Variants in ZNF704 observed in about 807,000 individuals in gnomAD.
The protein encoded by ZNF704 is zinc finger protein 704, also known as glucocorticoid induced gene 1.
Under a neutral mutation model 44.7 loss-of-function variants are expected in ZNF704, and 10 were observed. That is an observed-to-expected ratio of 0.22 (90% CI 0.14 to 0.38). The LOEUF (loss-of-function observed/expected upper bound fraction) is 0.38. ZNF704 is among the 10% of genes least tolerant of loss of function. The probability of loss-of-function intolerance (pLI) is 1.00; values close to 1 mark genes in which losing one functional copy is unlikely to be tolerated. For missense variants in ZNF704, 390 were observed against 545.5 expected (o/e 0.71, Z 2.84); for synonymous variants, 211 against 207.6 (o/e 1.02, Z -0.14).
intron 2 of ZNF704, among the ~76,000 whole-genome samples, chr8:80,759,871 T>G (rs760248555): frequency 2.6e-5 from 4 of 152,148 alleles, no homozygotes; most frequent in Non-Finnish European, 4.4e-5. Flanking sequence ...TCCTCCCATC[T>G]TAGCCTCCCA....
intron 6 of ZNF704, among the ~76,000 whole-genome samples, chr8:80,662,201 C>T (rs908048940): frequency 1.3e-5 from 2 of 152,088 alleles, no homozygotes; most frequent in Non-Finnish European, 2.9e-5. Flanking sequence ...CTTTTAAAAA[C>T]TGCAAATGTA....
chr8:80,838,621 G>C (rs981407070), intron 1 of ZNF704, among the ~76,000 whole-genome samples: 14 of 151,282 alleles, frequency 9.3e-5, no homozygotes, highest in African/African-American at 3.2e-4. Flanking sequence ...GCAGACCCTG[G>C]AGGAGGAGGA....
At chr8:80,871,686 G>C (rs1462900570) in intron 1 of ZNF704, among the ~76,000 whole-genome samples, 1 of 152,190 alleles carries the variant, frequency 6.6e-6, no homozygotes, top group Non-Finnish European at 1.5e-5. Context: ...ATAAATATTT[G>C]TTGAATAAAT....
chr8:80,763,400 C>T (rs1054625706), intron 2 of ZNF704, among the ~76,000 whole-genome samples: 2 of 152,250 alleles, frequency 1.3e-5, no homozygotes, highest in African/African-American at 2.4e-5. Flanking sequence ...CTTCTGTGCA[C>T]CTGCAGGCTC....
intron 1 of ZNF704, among the ~76,000 whole-genome samples, chr8:80,865,697 T>C (rs546502405): frequency 5.9e-5 from 9 of 152,292 alleles, no homozygotes; most frequent in African/African-American, 1.4e-4. Flanking sequence ...CAAGAACATA[T>C]GTAAAGCAAA....
intron 1 of ZNF704, among the ~76,000 whole-genome samples, chr8:80,862,628 G>A (rs1388501554): frequency 1.4e-5 from 2 of 146,086 alleles, no homozygotes; most frequent in Non-Finnish European, 3.0e-5. Flanking sequence ...AGTCAAATAC[G>A]GTGGCACATG....
intron 2 of ZNF704, among the ~76,000 whole-genome samples, chr8:80,820,605 C>T (rs1293271069): frequency 2.0e-5 from 3 of 151,894 alleles, no homozygotes; most frequent in Non-Finnish European, 4.4e-5. Context: ...TCTTTTAAGC[C>T]GTTAAAAAGG....
At chr8:80,788,419 G>T (rs1807649761) in intron 2 of ZNF704, among the ~76,000 whole-genome samples, 1 of 152,070 alleles carries the variant, frequency 6.6e-6, no homozygotes. Context: ...CGTTTATTTG[G>T]GATGGCAATA....
intron 4 of ZNF704, among the ~76,000 whole-genome samples, chr8:80,677,533 TCTC>T (rs1432075759): frequency 6.6e-6 from 1 of 152,184 alleles, no homozygotes; most frequent in African/African-American, 2.4e-5. Flanking sequence ...CAATTGTTTA[TCTC>T]CTCCTCACAC....
chr8:80,692,435 G>C (rs1818654882), intron 3 of ZNF704, among the ~76,000 whole-genome samples: 2 of 152,080 alleles, frequency 1.3e-5, no homozygotes, highest in Admixed American at 1.3e-4. Flanking sequence ...CCACTAATAT[G>C]GCTATGATTG....
At position 80,635,212 on chromosome 8, in the gene ZNF704, T is replaced by C. The variant is rs933230456; in HGVS notation, c.*6154A>G. The stretch of plus-strand genomic sequence containing the variant: ...TAACAGTGAGTGGGCTTGAAAAAAC[T>C]GTACAGCATTATGAAATGGTTTTGG... On this transcript the variant is annotated 3_prime_UTR_variant, in exon 9 of 9. Coordinates refer to ENST00000327835, the MANE Select transcript of ZNF704 (RefSeq NM_001033723.3). 3.3e-5 allele frequency: 5 copies of C among 152,226 alleles called. No individual in the cohort carries two copies. The highest frequency in any genetic ancestry group is 7.3e-5 in the Non-Finnish European group (5 of 68,038). The allele number at this position is 152,226 out of a possible 1,614,324, so 9.4% of individuals were successfully genotyped here.
At chr8:80,847,353 A>G (rs556418123) in intron 1 of ZNF704, among the ~76,000 whole-genome samples, 1 of 152,238 alleles carries the variant, frequency 6.6e-6, no homozygotes, top group South Asian at 2.1e-4. Context: ...TGGGGGACAT[A>G]TTGTGGTAAT....
intron 1 of ZNF704, among the ~76,000 whole-genome samples, chr8:80,825,601 AC>A (rs1465091316): frequency 1.3e-5 from 2 of 152,144 alleles, no homozygotes; most frequent in Non-Finnish European, 2.9e-5. Context: ...AGAACTCTCC[AC>A]CCCAAATCAA....
At chr8:80,813,050 CAAAAGTGGTATAATGGTACTCCT>C (rs1808116038) in intron 2 of ZNF704, among the ~76,000 whole-genome samples, 1 of 152,200 alleles carries the variant, frequency 6.6e-6, no homozygotes, top group Non-Finnish European at 1.5e-5. Flanking sequence ...ACGGGCATCA[CAAAAGTGGTATAATGGTACTCCT>C]AAACATTTTA....
chr8:80,841,016 G>C (rs959445977), intron 1 of ZNF704, among the ~76,000 whole-genome samples: 2 of 152,130 alleles, frequency 1.3e-5, no homozygotes, highest in African/African-American at 4.8e-5. Context: ...TGATCAACAA[G>C]ACAACTGCAC....
At chr8:80,779,666 T>C (rs765809390) in intron 2 of ZNF704, among the ~76,000 whole-genome samples, 10 of 151,974 alleles carry the variant, frequency 6.6e-5, no homozygotes, top group Non-Finnish European at 1.0e-4. Flanking sequence ...CATCTTCACA[T>C]AGATACTAAT....
At chr8:80,793,024 C>T (rs867051655) in intron 2 of ZNF704, among the ~76,000 whole-genome samples, 7 of 152,326 alleles carry the variant, frequency 4.6e-5, no homozygotes, top group Middle Eastern at 3.4e-3. Flanking sequence ...CAGTTAACCA[C>T]AGTGCTATTT....
chr8:80,750,512 C>CTTT (rs61550571), intron 2 of ZNF704, among the ~76,000 whole-genome samples: 15 of 147,170 alleles, frequency 1.0e-4, no homozygotes, highest in African/African-American at 3.2e-4. Context: ...GTACTTTAAA[C>CTTT]TTTTTTTTTT....
intron 2 of ZNF704, among the ~76,000 whole-genome samples, chr8:80,742,746 C>A (rs1215988330): frequency 2.0e-5 from 3 of 152,030 alleles, no homozygotes; most frequent in South Asian, 2.1e-4. Context: ...ATCGAAGGCA[C>A]CCCTCCCAAG....
Sources: gnomAD v4.1 joint callset for allele counts (sites outside exome capture counted in the v4.1 genomes callset) on GRCh38, gnomAD v4.1.1 for gene constraint, MANE v1.5 for transcripts, NCBI Gene and HGNC (gene_info 2026-07-23, HGNC 2026-07-21) for gene names.